ADGRA1: variants seen among roughly 807,000 people sequenced by gnomAD.
The protein encoded by ADGRA1 is adhesion G protein-coupled receptor A1.
A neutral mutation model predicts 21.3 loss-of-function variants in ADGRA1; 12 were observed. The observed-to-expected ratio is 0.56, with a 90% CI of 0.36 to 0.91. ADGRA1 has a LOEUF of 0.91. Ranked by LOEUF, ADGRA1 falls within the 40% of genes least tolerant of loss-of-function variation. ADGRA1 has a pLI of 0.01. For synonymous variants in ADGRA1, 385 were observed against 368.8 expected, an observed-to-expected ratio of 1.04 and a Z score of -0.50; for missense variants, 790 against 805.6, an observed-to-expected ratio of 0.98 and a Z score of 0.23.
rs755009317 is a variant in ADGRA1, at chr10:133,129,298, C to T, written c.1470C>T (p.Ser490=). Residue 490 remains serine, a synonymous_variant, in exon 7 of 7, where the codon AGC becomes AGT. Coordinates refer to ENST00000392607, the MANE Select transcript of ADGRA1 (RefSeq NM_001083909.3). ...MVTQPEGSDG[S]PALYSCPTQP... is the part of the protein sequence containing the mutation. ...CCCAGCCCGAGGGCAGTGATGGGAG[C>T]CCTGCCCTCTACAGCTGCCCCACGC... 97 of 1,552,578 alleles carry T rather than the reference C, an allele frequency of 6.2e-5. No homozygotes were observed. Among genetic ancestry groups the T allele is most frequent in the Non-Finnish European group, 7.7e-5 (89 of 1,149,046 alleles).
Position 133,129,516 on chromosome 10 carries a change from G to C in ADGRA1, c.*5G>C. 6.3e-7 allele frequency: 1 copy of C among 1,579,640 alleles called. No homozygotes were observed. Among genetic ancestry groups the C allele is most frequent in the Non-Finnish European group, 8.6e-7 (1 of 1,168,734 alleles). ...AAAAACGAAACTACTGTGTAGATGG[G>C]GGCAGAGGACACGGTGTTCCTGGAG... On this transcript the variant is annotated 3_prime_UTR_variant, in exon 7 of 7. Transcript: ENST00000392607.
chr10:133,129,829 T>C lies in ADGRA1; in HGVS notation c.*318T>C. 3.2e-6 allele frequency: 1 copy of C among 315,338 alleles called. No homozygotes were observed. Among genetic ancestry groups the C allele is most frequent in the Non-Finnish European group, 6.0e-6 (1 of 166,322 alleles). 19.5% of individuals were successfully genotyped at this position (315,338 alleles called of 1,614,324 possible). A position where few individuals can be genotyped will look rare whatever the true frequency, so the allele number is the denominator to read the frequency against. On this transcript the variant is annotated 3_prime_UTR_variant, in exon 7 of 7. Transcript: ENST00000392607. ...CCGGTTTCTGTCCTGTGGTCTCCAG[T>C]CCTGGGGCACCCTAGAGGCAGAGCA...
chr10:133,124,200 CCCTCCCCGGCTCTGCAA>C (rs1194101594), intron 5 of ADGRA1, among the ~76,000 whole-genome samples: 7 of 149,368 alleles, frequency 4.7e-5, no homozygotes, highest in South Asian at 2.1e-4. Flanking sequence ...GGGCTCTGCA[CCCTCCCCGGCTCTGCAA>C]CCTCCCCGGC....
chr10:133,117,997 G>A (rs1222839892), intron 5 of ADGRA1, among the ~76,000 whole-genome samples: 1 of 152,254 alleles, frequency 6.6e-6, no homozygotes, highest in Non-Finnish European at 1.5e-5. Flanking sequence ...TGACAGTGGA[G>A]GCTGGGAGGG....
chr10:133,097,111 G>C lies in ADGRA1; in HGVS notation c.131+10G>C. 6.2e-7 allele frequency: 1 copy of C among 1,603,766 alleles called. No homozygotes were observed. The highest frequency in any genetic ancestry group is 8.5e-7 in the Non-Finnish European group (1 of 1,179,922). On this transcript the variant is annotated intron_variant, in intron 3 of 6. Transcript: ENST00000392607. ...ACATCGTGCACCAGAGGTGAGCCTGGCATGGGCAAGGGCGCCCCCTGTGCC... is the reference window on the plus strand; with the variant it reads ...ACATCGTGCACCAGAGGTGAGCCTGCCATGGGCAAGGGCGCCCCCTGTGCC...
chr10:133,104,547 C>T (rs933187888), intron 5 of ADGRA1, among the ~76,000 whole-genome samples: 2 of 152,182 alleles, frequency 1.3e-5, no homozygotes, highest in Middle Eastern at 3.2e-3. Context: ...GCCCTGCTTG[C>T]GGCCATGGTG....
intron 3 of ADGRA1, 133 bp downstream of exon 3, chr10:133,097,234 C>A: frequency 1.8e-6 from 2 of 1,120,826 alleles, no homozygotes; most frequent in Non-Finnish European, 2.6e-6. Context: ...ACTCAGGTCA[C>A]CAGCTAGCTC....
In ADGRA1 at chr10:133,112,019, A is replaced by ACAACCTGCCCACCACAGG. The variant is rs1564849823; in HGVS notation, c.401+9179_401+9180insACCTGCCCACCACAGGCA. ...CCTCCAGACCACCTGCCCACCACAG[A>ACAACCTGCCCACCACAGG]CACCTCCCTCCTAATGCCTCCAGAC... On this transcript the variant is annotated intron_variant, in intron 5 of 6. Coordinates refer to ENST00000392607, the MANE Select transcript of ADGRA1 (RefSeq NM_001083909.3). Among the ~76,000 whole-genome samples the ACAACCTGCCCACCACAGG allele has an allele frequency of 1.1e-4, 3 of 27,936 alleles. 1 individual carries two copies. The highest frequency in any genetic ancestry group is 5.6e-4 in the Admixed American group (2 of 3,592). The allele number at this position is 27,936 out of a possible 152,430, so 18.3% of individuals were successfully genotyped here.
At chr10:133,122,513 T>C (rs743049) in intron 5 of ADGRA1, among the ~76,000 whole-genome samples, 98,516 of 152,206 alleles carry the variant, frequency 0.65, 32,770 homozygotes, top group African/African-American at 0.81. Context: ...AAGCTCCACC[T>C]GCACCACAGG....
intron 1 of ADGRA1, 100 bp downstream of exon 1, chr10:133,088,238 C>A: frequency 2.2e-6 from 1 of 444,862 alleles, no homozygotes; most frequent in Non-Finnish European, 3.0e-6. Flanking sequence ...GCGAGGAAAG[C>A]AGCTCCGAGT....
chr10:133,112,608 A>G (rs1404447527), intron 5 of ADGRA1, among the ~76,000 whole-genome samples: 456 of 29,384 alleles, frequency 0.016, 1 homozygote, highest in Non-Finnish European at 0.017. Context: ...TTTGGAGTCT[A>G]CGGGCTACGT....
At chr10:133,093,314 C>G in intron 2 of ADGRA1, 1 of 1,527,224 alleles carries the variant, frequency 6.5e-7, no homozygotes, top group Non-Finnish European at 8.8e-7. Flanking sequence ...TCCTTCTCAT[C>G]TTTCCTCCTT....
intron 3 of ADGRA1, among the ~76,000 whole-genome samples, chr10:133,098,032 G>C (rs999558048): frequency 6.6e-6 from 1 of 152,210 alleles, no homozygotes; most frequent in South Asian, 2.1e-4. Flanking sequence ...ATTTAGACCA[G>C]AGTGGCTGTG....
chr10:133,115,085 T>TG (rs941342368), intron 5 of ADGRA1, among the ~76,000 whole-genome samples: 1 of 152,076 alleles, frequency 6.6e-6, no homozygotes, highest in South Asian at 2.1e-4. Context: ...GCTAGGAGCC[T>TG]GGGGGGCTTC....
chr10:133,123,736 G>A (rs1428054769), intron 5 of ADGRA1, among the ~76,000 whole-genome samples: 1 of 151,594 alleles, frequency 6.6e-6, no homozygotes, highest in Non-Finnish European at 1.5e-5. Context: ...GCACCTTCTG[G>A]GGCTGCCTCG....
At position 133,128,689 on chromosome 10, in the gene ADGRA1, C is replaced by A. The variant is rs1477140890; in HGVS notation, c.861C>A (p.Phe287Leu). The A allele has an allele frequency of 6.2e-7, 1 of 1,611,852 alleles. No homozygotes were observed. Among genetic ancestry groups the A allele is most frequent in the East Asian group, 2.2e-5 (1 of 44,860 alleles). The part of the protein sequence containing the change: ...VSQGHFLDMV[F>L]SCLYGAFCVT... ...AGGGCCACTTCCTGGACATGGTCTT[C>A]AGCTGCCTGTACGGCGCCTTCTGCG... The change falls in exon 7 of 7, where the codon TTC (phenylalanine) becomes TTA (leucine). Residue 287 changes from phenylalanine (F) to leucine (L), a missense_variant. Phe to Leu is a conservative substitution (Grantham distance 22, BLOSUM62 0). Transcript: ENST00000392607.
chr10:133,118,855 GCACACACACAT>G (rs111394908), intron 5 of ADGRA1, among the ~76,000 whole-genome samples: 5,397 of 152,102 alleles, frequency 0.035, 314 homozygotes, highest in African/African-American at 0.12. Flanking sequence ...TCTTCAGTGT[GCACACACACAT>G]CACACACACA....
rs547142425 is a variant in ADGRA1, at chr10:133,129,097, G to A, written c.1269G>A (p.Pro423=). The change falls in exon 7 of 7, where the codon CCG becomes CCA. Residue 423 remains proline (P), a synonymous_variant. Coordinates refer to ENST00000392607, the MANE Select transcript of ADGRA1 (RefSeq NM_001083909.3). ...LHGCLQGRTK[P]PYFSRHPAEE... ...GGTGCCTTCAGGGCAGAACTAAGCC[G>A]CCCTACTTTAGCCGGCACCCAGCAG... 3.3e-5 allele frequency: 51 copies of A among 1,550,040 alleles called. No homozygotes were observed. The highest frequency in any genetic ancestry group is 4.4e-5 in the Non-Finnish European group (50 of 1,145,282).
chr10:133,112,751 C>CGTCGGTTATTTGGGGTCTGCGGGCCGT (rs1852076601), intron 5 of ADGRA1, among the ~76,000 whole-genome samples: 3 of 61,422 alleles, frequency 4.9e-5, no homozygotes, highest in African/African-American at 2.3e-4. Flanking sequence ...CTGCGGGCCG[C>CGTCGGTTATTTGGGGTCTGCGGGCCGT]GTCGGTTATT....
Sources: allele counts gnomAD v4.1 joint callset (sites outside exome capture counted in the v4.1 genomes callset), GRCh38; gene constraint gnomAD v4.1.1; transcripts MANE v1.5; gene names NCBI Gene and HGNC (gene_info 2026-07-23, HGNC 2026-07-21).